ZFYVE26: variants seen among roughly 807,000 people sequenced by gnomAD.
ZFYVE26 encodes the protein zinc finger FYVE-type containing 26.
Under a neutral mutation model 276.5 loss-of-function variants are expected in ZFYVE26, and 181 were observed. That is an observed-to-expected ratio of 0.65 (90% CI 0.58 to 0.74). ZFYVE26 has a LOEUF of 0.74. ZFYVE26 is among the 30% of genes least tolerant of loss of function. The pLI is 0.00. For missense variants in ZFYVE26, 2,821 were observed against 3,097.9 expected (o/e 0.91, Z 2.12); for synonymous variants, 1,129 against 1,203.1 (o/e 0.94, Z 1.27).
chr14:67,735,745 A>C (rs547709051), intron 13 of ZFYVE26, among the ~76,000 whole-genome samples: 1 of 152,296 alleles, frequency 6.6e-6, no homozygotes, highest in South Asian at 2.1e-4. Flanking sequence ...CCCTTAGCTA[A>C]TCTAGCCTGG....
intron 6 of ZFYVE26, 98 bp from the exon 7 acceptor site, chr14:67,805,716 A>C: frequency 1.4e-6 from 2 of 1,410,534 alleles, no homozygotes; most frequent in Non-Finnish European, 2.0e-6. Flanking sequence ...TTAGTACAGC[A>C]GGGAGATTTC....
chr14:67,761,318 A>G, intron 35 of ZFYVE26, 48 bp downstream of exon 35: 1 of 1,550,290 alleles, frequency 6.5e-7, no homozygotes, highest in South Asian at 1.2e-5. Context: ...GGTCCAAGCC[A>G]GAGGAGTAAG....
At chr14:67,809,080 C>T in intron 4 of ZFYVE26, 120 bp downstream of exon 4, 1 of 882,336 alleles carries the variant, frequency 1.1e-6, no homozygotes, top group Non-Finnish European at 1.9e-6. Context: ...TTCTGTGTTG[C>T]CTTGCCTGAG....
chr14:67,777,858 C>CTTT, intron 24 of ZFYVE26, 123 bp from the exon 25 acceptor site: 1 of 1,087,478 alleles, frequency 9.2e-7, no homozygotes, highest in Non-Finnish European at 1.3e-6. Flanking sequence ...CTCTATACTC[C>CTTT]TTTTTTTTTT....
intron 25 of ZFYVE26, 103 bp downstream of exon 25, chr14:67,777,456 C>G (rs1262358700): frequency 5.7e-6 from 9 of 1,582,184 alleles, no homozygotes; most frequent in Non-Finnish European, 7.8e-6. Context: ...TGAAGAAGAG[C>G]TAGGCTCGCA....
intron 10 of ZFYVE26, chr14:67,799,090 T>C: frequency 8.2e-7 from 1 of 1,223,892 alleles, no homozygotes; most frequent in South Asian, 1.2e-5. Flanking sequence ...ACGAGGACTC[T>C]CCAGTGCTCA....
rs2038340271 is a variant in ZFYVE26 at position 67,735,388 on chromosome 14, A to C, written n.2680-5569T>G. 5.8e-6 allele frequency: 4 copies of C among 684,496 alleles called. No homozygotes were observed. In the South Asian group the frequency reaches 6.1e-5, roughly 10 times the overall value. 42.4% of individuals were successfully genotyped at this position (684,496 alleles called of 1,614,324 possible). ...CATGTGCCAGTCTTGGCCTCTTGTC[A>C]TGTTTCCAGAAAAGACTTGCCGCAA... On this transcript the variant is annotated intron_variant and non_coding_transcript_variant, in intron 13 of 14. Transcript: ENST00000394455.
In ZFYVE26 at chr14:67,775,574, G is replaced by A. The variant is rs143879508; in HGVS notation, c.5221+286C>T. Among the ~76,000 whole-genome samples the A allele has an allele frequency of 5.8e-3, 888 of 152,268 alleles. 4 individuals are homozygous for A. The highest frequency in any genetic ancestry group is 9.3e-3 in the Non-Finnish European group (635 of 68,024). Reference sequence around the variant, plus strand: ...ACCAAATGATGGCACTGAAGAGCCCGCTATATCAAGGCCAGACAGAGACCA... The same window carrying A: ...ACCAAATGATGGCACTGAAGAGCCCACTATATCAAGGCCAGACAGAGACCA... On this transcript the variant is annotated intron_variant, in intron 26 of 41. Coordinates refer to ENST00000347230, the MANE Select transcript of ZFYVE26 (RefSeq NM_015346.4).
chr14:67,780,091 C>A lies in ZFYVE26; in HGVS notation c.4674+150G>T, dbSNP rs972649253. On this transcript the variant is annotated intron_variant, in intron 23 of 41. Transcript: ENST00000347230. Reference sequence around the variant, plus strand: ...TTTCACCGTGGTCTCGATCTCCTGACCTTGTGAGCCGCCCGCCTCGGCCAG... The same window carrying A: ...TTTCACCGTGGTCTCGATCTCCTGAACTTGTGAGCCGCCCGCCTCGGCCAG... 5 of 757,380 alleles carry A rather than the reference C, an allele frequency of 6.6e-6. No homozygotes were observed. In the African/African-American group the frequency reaches 6.9e-5, roughly 11 times the overall value. 46.9% of individuals were successfully genotyped at this position (757,380 alleles called of 1,614,324 possible).
chr14:67,778,061 C>T (rs2039394276), intron 24 of ZFYVE26, 65 bp downstream of exon 24: 2 of 1,605,916 alleles, frequency 1.2e-6, no homozygotes, highest in African/African-American at 2.7e-5. Flanking sequence ...GAAAATAAAG[C>T]CATCTGATTT....
At chr14:67,762,565 C>T in intron 33 of ZFYVE26, 107 bp downstream of exon 33, 2 of 1,584,158 alleles carry the variant, frequency 1.3e-6, no homozygotes, top group South Asian at 2.2e-5. Flanking sequence ...CCGATTCTAC[C>T]CCATGGGCAG....
At chr14:67,731,172 C>A in intron 13 of ZFYVE26, among the ~76,000 whole-genome samples, 1 of 148,846 alleles carries the variant, frequency 6.7e-6, no homozygotes, top group Admixed American at 6.7e-5. Flanking sequence ...ACATATGTGG[C>A]TCACAATTGT....
rs2040215930 is a variant in ZFYVE26 at position 67,807,756 on chromosome 14, A to G, written c.528T>C (p.Leu176=). Residue 176 remains leucine (L), a synonymous_variant, in exon 5 of 42, where the codon CTT becomes CTC. Coordinates refer to ENST00000347230, the MANE Select transcript of ZFYVE26 (RefSeq NM_015346.4). ...AGAGGCCAGTACCGTCATCCTCCTC[A>G]AGCAGGAGCTCCAGCAGGGCCTGTG... ...QPAQALLELL[L]EEDDGTGLCH... 9 of 1,614,126 alleles carry G rather than the reference A, an allele frequency of 5.6e-6. No homozygotes were observed. The highest frequency in any genetic ancestry group is 1.6e-4 in the Middle Eastern group (1 of 6,062).
At chr14:67,731,549 T>C (rs1423401998) in intron 13 of ZFYVE26, among the ~76,000 whole-genome samples, 1 of 152,026 alleles carries the variant, frequency 6.6e-6, no homozygotes. Flanking sequence ...GTTGCTACTC[T>C]AGAGTCTGAG....
intron 26 of ZFYVE26, among the ~76,000 whole-genome samples, chr14:67,775,331 G>T (rs1423664045): frequency 6.6e-6 from 1 of 152,162 alleles, no homozygotes; most frequent in East Asian, 1.9e-4. Flanking sequence ...GTGAGATAAT[G>T]AAATGGACAC....
Position 67,747,220 on chromosome 14 carries a change from A to G in ZFYVE26, c.*1216T>C, listed in dbSNP as rs1303532373. The G allele has an allele frequency of 1.3e-5, 2 of 152,378 alleles. No individual in the cohort carries two copies. Among genetic ancestry groups the G allele is most frequent in the Non-Finnish European group, 2.9e-5 (2 of 68,048 alleles). 9.4% of individuals were successfully genotyped at this position (152,378 alleles called of 1,614,324 possible). Reference sequence around the variant, plus strand: ...ATTGTCACATCTTGCGTGGGAAGACAAGACAGTGCATATTAAAGAAGCACT... The same window carrying G: ...ATTGTCACATCTTGCGTGGGAAGACGAGACAGTGCATATTAAAGAAGCACT... On this transcript the variant is annotated 3_prime_UTR_variant, in exon 42 of 42. Transcript: ENST00000347230.
At chr14:67,755,514 T>C (rs754271591) in intron 36 of ZFYVE26, among the ~76,000 whole-genome samples, 1 of 152,214 alleles carries the variant, frequency 6.6e-6, no homozygotes. Flanking sequence ...TCCACTCAAA[T>C]TGGCTTCACT....
chr14:67,762,343 C>T lies in ZFYVE26; in HGVS notation c.6229G>A (p.Gly2077Arg), dbSNP rs140540720. Residue 2077 changes from glycine (G) to arginine (R), a missense_variant, in exon 34 of 42, where the codon GGG becomes AGG. Transcript: ENST00000347230. ...HAWGMACLKA[G>R]NLTAAREKFS... ...TTCTCCCGTGCAGCAGTGAGGTTCC[C>T]GGCTTTGAGGCAGGCCATGCCCCAA... The T allele has an allele frequency of 1.3e-3, 2,174 of 1,614,138 alleles. 22 individuals carry two copies. In the African/African-American group the frequency reaches 0.023, roughly 17 times the overall value.
At chr14:67,800,412 A>G (rs7149356) in intron 10 of ZFYVE26, among the ~76,000 whole-genome samples, 2 of 152,162 alleles carry the variant, frequency 1.3e-5, no homozygotes, top group African/African-American at 4.8e-5. Flanking sequence ...TATAAAAGAG[A>G]TATTACATCA....
Sources: allele counts gnomAD v4.1 joint callset (sites outside exome capture counted in the v4.1 genomes callset), GRCh38; gene constraint gnomAD v4.1.1; transcripts MANE v1.5; gene names NCBI Gene and HGNC (gene_info 2026-07-23, HGNC 2026-07-21).